Variants in BICC1 observed in about 807,000 individuals in gnomAD.
The protein encoded by BICC1 is protein bicaudal C homolog 1.
In BICC1, 43 loss-of-function variants were observed where a neutral mutation model predicts 111.0. The observed-to-expected ratio is 0.39, with a 90% CI of 0.30 to 0.50. The LOEUF is 0.50. Ranked by LOEUF, BICC1 falls within the 20% of genes least tolerant of loss-of-function variation. BICC1 has a pLI of 0.88. For missense variants in BICC1, 1,091 were observed against 1,203.2 expected, an observed-to-expected ratio of 0.91 and a Z score of 1.38; for synonymous variants, 467 against 434.4, an observed-to-expected ratio of 1.07 and a Z score of -0.93.
chr10:58,796,666 A>T, intron 10 of BICC1, 140 bp downstream of exon 10: 1 of 733,176 alleles, frequency 1.4e-6, no homozygotes, highest in Non-Finnish European at 2.1e-6. Context: ...AAGCCATACA[A>T]CCTGAATCAA....
intron 2 of BICC1, among the ~76,000 whole-genome samples, chr10:58,691,729 C>T (rs1212045131): frequency 6.6e-6 from 1 of 152,140 alleles, no homozygotes; most frequent in East Asian, 1.9e-4. Flanking sequence ...TCCCATTTTC[C>T]ACAGCCCTCG....
intron 12 of BICC1, 57 bp from the exon 13 acceptor site, chr10:58,800,137 T>G: frequency 2.2e-6 from 3 of 1,385,788 alleles, no homozygotes; most frequent in Non-Finnish European, 3.0e-6. Flanking sequence ...TGTTCTTGAT[T>G]TGACTCTCTG....
intron 3 of BICC1, among the ~76,000 whole-genome samples, chr10:58,728,883 A>G (rs1483503119): frequency 6.6e-6 from 1 of 151,528 alleles, no homozygotes; most frequent in East Asian, 1.9e-4. Context: ...TTTTAATATT[A>G]AAAAAAGGAA....
intron 3 of BICC1, among the ~76,000 whole-genome samples, chr10:58,758,621 G>C (rs2132671373): frequency 6.6e-6 from 1 of 152,266 alleles, no homozygotes; most frequent in East Asian, 1.9e-4. Context: ...TTTCAACCCT[G>C]TAAATAATTA....
chr10:58,822,143 T>C (rs1214876175), intron 20 of BICC1, among the ~76,000 whole-genome samples: 1 of 152,168 alleles, frequency 6.6e-6, no homozygotes, highest in African/African-American at 2.4e-5. Flanking sequence ...GTGATTAACT[T>C]ATGCATTCAC....
chr10:58,579,262 C>T (rs1217072411), intron 1 of BICC1, among the ~76,000 whole-genome samples: 1 of 152,162 alleles, frequency 6.6e-6, no homozygotes, highest in Non-Finnish European at 1.5e-5. Flanking sequence ...TGGGTGTCCA[C>T]AAGGGCAATA....
intron 2 of BICC1, among the ~76,000 whole-genome samples, chr10:58,673,997 C>T (rs1338197122): frequency 6.6e-6 from 1 of 152,102 alleles, no homozygotes; most frequent in East Asian, 1.9e-4. Context: ...ATTTGTCATA[C>T]AAGTTATGTT....
intron 8 of BICC1, among the ~76,000 whole-genome samples, chr10:58,791,005 G>C (rs1415357898): frequency 6.6e-6 from 1 of 152,114 alleles, no homozygotes; most frequent in African/African-American, 2.4e-5. Context: ...AACTTGCAGA[G>C]TTTATTTTTG....
chr10:58,641,155 G>T (rs1230478623), intron 2 of BICC1, among the ~76,000 whole-genome samples: 1 of 152,186 alleles, frequency 6.6e-6, no homozygotes, highest in African/African-American at 2.4e-5. Flanking sequence ...TACCTATGAT[G>T]TCAAGGCAGT....
At chr10:58,620,114 T>C (rs527255727) in intron 1 of BICC1, among the ~76,000 whole-genome samples, 5 of 152,330 alleles carry the variant, frequency 3.3e-5, no homozygotes, top group African/African-American at 1.2e-4. Context: ...TGGCTCTTTA[T>C]CACTTCTCTC....
intron 3 of BICC1, among the ~76,000 whole-genome samples, chr10:58,703,450 C>T (rs1193446759): frequency 6.6e-6 from 1 of 152,132 alleles, no homozygotes; most frequent in Non-Finnish European, 1.5e-5. Context: ...GTGTGAGCCA[C>T]CGCACCCAGC....
At chr10:58,679,910 T>A (rs1292835113) in intron 2 of BICC1, among the ~76,000 whole-genome samples, 1 of 152,112 alleles carries the variant, frequency 6.6e-6, no homozygotes, top group Non-Finnish European at 1.5e-5. Context: ...ACATAATTCA[T>A]CATATAAACA....
intron 1 of BICC1, among the ~76,000 whole-genome samples, chr10:58,543,250 A>G (rs1449438503): frequency 6.6e-6 from 1 of 152,146 alleles, no homozygotes; most frequent in Non-Finnish European, 1.5e-5. Context: ...ATGCTAACTT[A>G]AATAAACCAG....
intron 1 of BICC1, among the ~76,000 whole-genome samples, chr10:58,575,053 G>T (rs187555696): frequency 2.1e-3 from 309 of 150,678 alleles, no homozygotes; most frequent in African/African-American, 7.2e-3. Flanking sequence ...TGGGATACAT[G>T]TGCAGAACGT....
chr10:58,559,753 G>A (rs551143977), intron 1 of BICC1, among the ~76,000 whole-genome samples: 44 of 152,136 alleles, frequency 2.9e-4, no homozygotes, highest in Admixed American at 1.4e-3. Context: ...TTGTGTTGAG[G>A]TACATTCCTT....
At chr10:58,747,600 A>G (rs1841871106) in intron 3 of BICC1, among the ~76,000 whole-genome samples, 1 of 152,116 alleles carries the variant, frequency 6.6e-6, no homozygotes, top group Admixed American at 6.6e-5. Flanking sequence ...TTTACCTATC[A>G]TTTTTTATGG....
chr10:58,579,889 A>ATG (rs67705537), intron 1 of BICC1, among the ~76,000 whole-genome samples: 151,308 of 152,246 alleles, frequency 0.99, 75,192 homozygotes, highest in East Asian at 1. Flanking sequence ...CCATAATAGA[A>ATG]TATATACTCT....
chr10:58,596,378 C>T (rs997111856), intron 1 of BICC1, among the ~76,000 whole-genome samples: 11 of 152,176 alleles, frequency 7.2e-5, no homozygotes, highest in African/African-American at 1.4e-4. Context: ...ATGCTAAAAA[C>T]TCTGAATAAA....
chr10:58,804,402 C>T (rs1302100997), intron 15 of BICC1, among the ~76,000 whole-genome samples: 1 of 151,958 alleles, frequency 6.6e-6, no homozygotes, highest in African/African-American at 2.4e-5. Context: ...ACCTGTAGTC[C>T]CAGCTACTTG....
Sources: allele counts gnomAD v4.1 joint callset (sites outside exome capture counted in the v4.1 genomes callset), GRCh38; gene constraint gnomAD v4.1.1; transcripts MANE v1.5; gene names NCBI Gene and HGNC (gene_info 2026-07-23, HGNC 2026-07-21).